The following ANKRD11 variants were observed in gnomAD, a reference collection of about 807,000 sequenced individuals.
The protein encoded by ANKRD11 is ankyrin repeat domain-containing protein 11.
In ANKRD11, 17 loss-of-function variants were observed where a neutral mutation model predicts 195.7. That is an observed-to-expected ratio of 0.09 (90% CI 0.06 to 0.13). The LOEUF is 0.13. Ranked by LOEUF, ANKRD11 falls within the 10% of genes least tolerant of loss-of-function variation. The pLI is 1.00. For synonymous variants in ANKRD11, 1,953 were observed against 1,528.1 expected (o/e 1.28, Z -6.49); for missense variants, 3,735 against 3,566.1 (o/e 1.05, Z -1.21).
chr16:89,348,609 A>T (rs1275645833), intron 2 of ANKRD11, among the ~76,000 whole-genome samples: 2 of 152,166 alleles, frequency 1.3e-5, no homozygotes, highest in Admixed American at 1.3e-4. Flanking sequence ...GTTAACTAAA[A>T]TTTCAATTTC....
intron 4 of ANKRD11, among the ~76,000 whole-genome samples, chr16:89,304,536 G>C (rs2036054009): frequency 6.7e-6 from 1 of 148,696 alleles, no homozygotes; most frequent in Non-Finnish European, 1.5e-5. Context: ...ACACACATGG[G>C]TACACACAAG....
chr16:89,310,748 G>C (rs768313738), intron 3 of ANKRD11, among the ~76,000 whole-genome samples: 1 of 152,156 alleles, frequency 6.6e-6, no homozygotes, highest in Non-Finnish European at 1.5e-5. Flanking sequence ...TTATTTACGA[G>C]TATTTAGAAA....
At chr16:89,351,384 G>A (rs543528924) in intron 2 of ANKRD11, among the ~76,000 whole-genome samples, 1 of 152,342 alleles carries the variant, frequency 6.6e-6, no homozygotes, top group South Asian at 2.1e-4. Context: ...GGCTGTCCTT[G>A]ATACTGAGCA....
chr16:89,444,514 T>C (rs1008775872), intron 1 of ANKRD11, among the ~76,000 whole-genome samples: 4 of 152,164 alleles, frequency 2.6e-5, no homozygotes, highest in African/African-American at 9.7e-5. Flanking sequence ...AGCGTTACCC[T>C]GGAGCTAGTC....
chr16:89,295,985 C>CTTATTTTT (rs2035405870), intron 4 of ANKRD11, among the ~76,000 whole-genome samples: 1 of 45,142 alleles, frequency 2.2e-5, no homozygotes, highest in Non-Finnish European at 3.7e-5. Flanking sequence ...ATCTGGCTGC[C>CTTATTTTT]TTTTTTTTTT....
intron 2 of ANKRD11, among the ~76,000 whole-genome samples, chr16:89,401,048 G>A (rs1286047254): frequency 9.2e-5 from 14 of 152,128 alleles, no homozygotes; most frequent in Admixed American, 9.2e-4. Context: ...CAACACGCTG[G>A]CCCTCAAGTT....
At chr16:89,354,113 C>A (rs568891891) in intron 2 of ANKRD11, among the ~76,000 whole-genome samples, 2 of 152,264 alleles carry the variant, frequency 1.3e-5, no homozygotes, top group East Asian at 3.9e-4. Flanking sequence ...GTGCCGCCTG[C>A]AAGGTCACTC....
intron 2 of ANKRD11, among the ~76,000 whole-genome samples, chr16:89,336,621 A>G (rs1471965356): frequency 1.3e-5 from 2 of 152,164 alleles, no homozygotes; most frequent in Admixed American, 6.5e-5. Flanking sequence ...CTTTGTAAGG[A>G]CGGAAAGCCA....
chr16:89,350,380 G>C (rs953386865), intron 2 of ANKRD11, among the ~76,000 whole-genome samples: 1 of 152,070 alleles, frequency 6.6e-6, no homozygotes, highest in African/African-American at 2.4e-5. Context: ...ACTCATATCA[G>C]CTTGACTCCC....
chr16:89,489,668 G>C (rs1021928981), intron 1 of ANKRD11, among the ~76,000 whole-genome samples: 2 of 151,728 alleles, frequency 1.3e-5, no homozygotes, highest in African/African-American at 4.8e-5. Context: ...CGCAGAACCC[G>C]GCGCCCGGCC....
At chr16:89,487,518 G>A (rs1028813659) in intron 1 of ANKRD11, among the ~76,000 whole-genome samples, 2 of 152,158 alleles carry the variant, frequency 1.3e-5, no homozygotes, top group Non-Finnish European at 1.5e-5. Flanking sequence ...GCTCACGCCT[G>A]TAATCCCAGC....
chr16:89,274,594 C>T lies in ANKRD11; in HGVS notation c.7713+220G>A, dbSNP rs2033477657. On this transcript the variant is annotated intron_variant, in intron 11 of 12. Transcript: ENST00000301030. ...GAGGCCCAGCCCAGTGGCCTGAGGG[C>T]CTTGCCCGTGCGGGGAGCTGTCTGC... 3 of 655,712 alleles carry T rather than the reference C, an allele frequency of 4.6e-6. No individual in the cohort carries two copies. In the African/African-American group the frequency reaches 5.4e-5, roughly 12 times the overall value. 40.6% of individuals were successfully genotyped at this position (655,712 alleles called of 1,614,324 possible).
Position 89,280,515 on chromosome 16 carries a change from G to C in ANKRD11, c.6027C>G (p.Ser2009Arg). Residue 2009 changes from serine to arginine, a missense_variant, in exon 9 of 13, where the codon AGC becomes AGG. Transcript: ENST00000301030. ...GGGCGGGGTACGGCGCCTCCGAGGC[G>C]CTGAAGGGCCCTGGGGCGGCAGAGT... Reference protein sequence around the residue: ...PLHSAAPGPFSASEAPYPAPP... With the variant: ...PLHSAAPGPFRASEAPYPAPP... The C allele has an allele frequency of 6.2e-7, 1 of 1,609,990 alleles. No homozygotes were observed. Among genetic ancestry groups the C allele is most frequent in the Non-Finnish European group, 8.5e-7 (1 of 1,178,626 alleles).
chr16:89,371,637 C>A (rs2040198520), intron 2 of ANKRD11, among the ~76,000 whole-genome samples: 1 of 152,170 alleles, frequency 6.6e-6, no homozygotes, highest in African/African-American at 2.4e-5. Flanking sequence ...TGACGACACC[C>A]AAGGAGGGGT....
Position 89,304,980 on chromosome 16 carries a change from A to G in ANKRD11, c.226+226T>C, listed in dbSNP as rs2036091626. ...TGCATCTCCACGTGTGTGGGACCCA[A>G]GAGTGAAGCTCTCCAATCGGCCCCA... On this transcript the variant is annotated intron_variant, in intron 4 of 12. Transcript: ENST00000301030. The G allele has an allele frequency of 4.7e-6, 3 of 642,056 alleles. No individual in the cohort carries two copies. In the South Asian group the frequency reaches 6.4e-5, roughly 14 times the overall value. 39.8% of individuals were successfully genotyped at this position (642,056 alleles called of 1,614,324 possible). A position where few individuals can be genotyped will look rare whatever the true frequency, so the allele number is the denominator to read the frequency against.
intron 7 of ANKRD11, chr16:89,286,987 T>C (rs1249894367): frequency 1.6e-6 from 2 of 1,289,722 alleles, no homozygotes; most frequent in Admixed American, 4.6e-5. Flanking sequence ...TATTGTTGAA[T>C]CAGTACAGAG....
At position 89,441,574 on chromosome 16, in the gene ANKRD11, T is replaced by C. The variant is rs564210832; in HGVS notation, c.-144-23206A>G. Among the ~76,000 whole-genome samples the C allele has an allele frequency of 1.9e-4, 29 of 152,080 alleles. 1 individual carries two copies. The Middle Eastern group carries it at 0.01, about 54-fold the overall frequency. On this transcript the variant is annotated intron_variant, in intron 1 of 12. Transcript: ENST00000301030. ...CGAGGTCAGCAGATGGAGACCATCC[T>C]GGCTAACATGGTAAAACCCCACCTC...
chr16:89,280,539 G>A lies in ANKRD11; in HGVS notation c.6003C>T (p.His2001=). The change falls in exon 9 of 13, where the codon CAC becomes CAT. Residue 2001 remains histidine, a synonymous_variant. Transcript: ENST00000301030. ...CGCTGAAGGGCCCTGGGGCGGCAGAGTGGAGGGGGTCCGCGGGGCAGAAAC... is the reference window on the plus strand; with the variant it reads ...CGCTGAAGGGCCCTGGGGCGGCAGAATGGAGGGGGTCCGCGGGGCAGAAAC... ...PKRFCPADPL[H]SAAPGPFSAS... is the part of the protein sequence containing the mutation. 5 of 1,612,650 alleles carry A rather than the reference G, an allele frequency of 3.1e-6. No individual in the cohort carries two copies. Among genetic ancestry groups the A allele is most frequent in the African/African-American group, 2.7e-5 (2 of 75,042 alleles).
rs150827154 is a variant in ANKRD11, at chr16:89,399,059, G to A, written c.-60+19225C>T. Among the ~76,000 whole-genome samples, 24 of 152,278 alleles carry A rather than the reference G, an allele frequency of 1.6e-4. No individual in the cohort carries two copies. The East Asian group carries it at 3.1e-3, about 20-fold the overall frequency. ...AGTTTCCAAGCAAGGCATTTTCAGT[G>A]TTGCCTCAACAGAAACTGCATCATC... On this transcript the variant is annotated intron_variant, in intron 2 of 12. Coordinates refer to ENST00000301030, the MANE Select transcript of ANKRD11 (RefSeq NM_013275.6).
Sources: gnomAD v4.1 joint callset for allele counts (sites outside exome capture counted in the v4.1 genomes callset) on GRCh38, gnomAD v4.1.1 for gene constraint, MANE v1.5 for transcripts, NCBI Gene and HGNC (gene_info 2026-07-23, HGNC 2026-07-21) for gene names.